The following NCKAP5 variants were observed in gnomAD, a reference collection of about 807,000 sequenced individuals.
NCKAP5 encodes NCK associated protein 5.
In NCKAP5, 92 loss-of-function variants were observed where a neutral mutation model predicts 167.0. That is an observed-to-expected ratio of 0.55 (90% CI 0.47 to 0.66). The LOEUF (loss-of-function observed/expected upper bound fraction) is 0.66. NCKAP5 is among the 30% of genes least tolerant of loss of function. NCKAP5 has a pLI of 0.00. For missense variants in NCKAP5, 2,378 were observed against 2,315.0 expected, an observed-to-expected ratio of 1.03 and a Z score of -0.56; for synonymous variants, 891 against 877.4, an observed-to-expected ratio of 1.02 and a Z score of -0.27.
chr2:133,217,610 C>T (rs1487102292), intron 4 of NCKAP5, among the ~76,000 whole-genome samples: 1 of 152,080 alleles, frequency 6.6e-6, no homozygotes, highest in Non-Finnish European at 1.5e-5. Flanking sequence ...TCAGTTGTGG[C>T]GTAGTTAGTA....
chr2:133,511,535 C>T (rs1344434168), intron 3 of NCKAP5, among the ~76,000 whole-genome samples: 1 of 152,208 alleles, frequency 6.6e-6, no homozygotes, highest in African/African-American at 2.4e-5. Context: ...CTCAAGAGGG[C>T]ACAGTCAATA....
intron 4 of NCKAP5, among the ~76,000 whole-genome samples, chr2:133,266,963 C>T (rs1473313131): frequency 6.6e-6 from 1 of 152,100 alleles, no homozygotes; most frequent in African/African-American, 2.4e-5. Flanking sequence ...TCCCCTCCGC[C>T]GGGCCCCCCC....
intron 7 of NCKAP5, among the ~76,000 whole-genome samples, chr2:132,973,063 C>G (rs1397497274): frequency 6.6e-6 from 1 of 152,142 alleles, no homozygotes; most frequent in African/African-American, 2.4e-5. Context: ...CTCCAATACT[C>G]AGTTCCACTG....
intron 9 of NCKAP5, 138 bp from the exon 10 acceptor site, chr2:132,869,112 T>C (rs1324455403): frequency 1.9e-6 from 1 of 525,480 alleles, no homozygotes; most frequent in Non-Finnish European, 3.2e-6. Flanking sequence ...TATGCAGAGA[T>C]CTGATTATTT....
intron 5 of NCKAP5, among the ~76,000 whole-genome samples, chr2:133,181,603 CAAAAAA>C (rs34264277): frequency 0.14 from 10,040 of 71,020 alleles, 456 homozygotes; most frequent in South Asian, 0.21. Flanking sequence ...CCCATCTCTA[CAAAAAA>C]AAAAAAAAAA....
chr2:133,290,693 TC>T (rs1172856836), intron 4 of NCKAP5, among the ~76,000 whole-genome samples: 3 of 150,544 alleles, frequency 2.0e-5, no homozygotes, highest in Non-Finnish European at 4.4e-5. Flanking sequence ...GGTGGTCTCA[TC>T]CCTAATGAAC....
intron 3 of NCKAP5, among the ~76,000 whole-genome samples, chr2:133,417,227 G>A (rs778630766): frequency 1.3e-5 from 2 of 151,636 alleles, no homozygotes; most frequent in African/African-American, 2.4e-5. Flanking sequence ...ATTGGCCCCC[G>A]ACACGTGGAA....
intron 7 of NCKAP5, among the ~76,000 whole-genome samples, chr2:132,982,518 TC>T (rs1269566090): frequency 2.0e-5 from 3 of 152,206 alleles, no homozygotes; most frequent in Non-Finnish European, 4.4e-5. Flanking sequence ...AAATATAATT[TC>T]AGCTTTTATT....
chr2:133,448,877 C>T (rs1374534210), intron 3 of NCKAP5, among the ~76,000 whole-genome samples: 2 of 152,108 alleles, frequency 1.3e-5, no homozygotes, highest in African/African-American at 2.4e-5. Context: ...TGGGCTCCAG[C>T]GAGCCACCCA....
chr2:133,343,450 A>T (rs1202289146), intron 3 of NCKAP5, among the ~76,000 whole-genome samples: 1 of 152,170 alleles, frequency 6.6e-6, no homozygotes, highest in Non-Finnish European at 1.5e-5. Flanking sequence ...ACCTGTGCTC[A>T]GAGCAGAGGA....
intron 16 of NCKAP5, among the ~76,000 whole-genome samples, chr2:132,747,088 T>C (rs1326533122): frequency 6.6e-6 from 1 of 151,310 alleles, no homozygotes; most frequent in Non-Finnish European, 1.5e-5. Context: ...CTTACTGAAC[T>C]ATACACTTCA....
At chr2:132,723,724 G>T (rs1271182754) in intron 19 of NCKAP5, among the ~76,000 whole-genome samples, 1 of 152,150 alleles carries the variant, frequency 6.6e-6, no homozygotes, top group East Asian at 1.9e-4. Flanking sequence ...GTTGAGGGAG[G>T]TCACTTAGCC....
chr2:133,602,057 C>CGA, the NCKAP5 span, among the ~76,000 whole-genome samples: 1 of 151,904 alleles, frequency 6.6e-6, no homozygotes, highest in Non-Finnish European at 1.5e-5. Context: ...TTTGAGGGAA[C>CGA]GAGAGAGAGA....
At chr2:133,298,656 A>C (rs1382869723) in intron 4 of NCKAP5, among the ~76,000 whole-genome samples, 8 of 152,202 alleles carry the variant, frequency 5.3e-5, no homozygotes, top group Non-Finnish European at 1.2e-4. Flanking sequence ...TTAAACTCTA[A>C]ATTTCTTTCA....
intron 4 of NCKAP5, among the ~76,000 whole-genome samples, chr2:133,256,002 A>G (rs1397714620): frequency 1.2e-4 from 18 of 152,152 alleles, no homozygotes; most frequent in Admixed American, 1.2e-3. Context: ...CTATTATGTA[A>G]ATAAACATCG....
intron 8 of NCKAP5, among the ~76,000 whole-genome samples, chr2:132,953,920 C>T (rs2076268418): frequency 6.6e-6 from 1 of 152,084 alleles, no homozygotes; most frequent in African/African-American, 2.4e-5. Flanking sequence ...GATGGGATGA[C>T]TAGGAAAGAG....
At chr2:132,985,512 T>A (rs566469442) in intron 7 of NCKAP5, among the ~76,000 whole-genome samples, 3 of 152,278 alleles carry the variant, frequency 2.0e-5, no homozygotes, top group East Asian at 3.9e-4. Context: ...AATAAAAAAA[T>A]TCACCTTATA....
intron 3 of NCKAP5, among the ~76,000 whole-genome samples, chr2:133,453,928 A>T (rs150234581): frequency 0.01 from 1,553 of 152,194 alleles, 13 homozygotes; most frequent in Non-Finnish European, 0.017. Context: ...CCGCTGAATC[A>T]CTATCATGTT....
intron 8 of NCKAP5, among the ~76,000 whole-genome samples, chr2:132,911,591 C>T (rs963780836): frequency 6.6e-6 from 1 of 152,148 alleles, no homozygotes; most frequent in South Asian, 2.1e-4. Context: ...GTGACCTCCC[C>T]TTTTTCCTAC....
Sources: gnomAD v4.1 joint callset for allele counts (sites outside exome capture counted in the v4.1 genomes callset) on GRCh38, gnomAD v4.1.1 for gene constraint, MANE v1.5 for transcripts, NCBI Gene and HGNC (gene_info 2026-07-23, HGNC 2026-07-21) for gene names.